RGS9: variants seen among roughly 807,000 people sequenced by gnomAD.
RGS9 encodes the protein regulator of G-protein signalling 9.
A neutral mutation model predicts 102.0 loss-of-function variants in RGS9; 78 were observed. That is an observed-to-expected ratio of 0.76 (90% confidence interval 0.64 to 0.92). The LOEUF is 0.92. Ranked by LOEUF, RGS9 falls within the 40% of genes least tolerant of loss-of-function variation. The probability of loss-of-function intolerance (pLI) is 0.00; values close to 1 mark genes in which losing one functional copy is unlikely to be tolerated. For synonymous variants in RGS9, 353 were observed against 318.6 expected (o/e 1.11, Z -1.15); for missense variants, 833 against 866.1 (o/e 0.96, Z 0.48).
intron 1 of RGS9, among the ~76,000 whole-genome samples, chr17:65,140,041 G>T (rs181242267): frequency 2.6e-4 from 40 of 152,312 alleles, no homozygotes; most frequent in African/African-American, 9.1e-4. Flanking sequence ...GTGGAGGGGT[G>T]GGCATTATGT....
At chr17:65,189,768 G>A (rs1912287997) in intron 10 of RGS9, among the ~76,000 whole-genome samples, 1 of 152,208 alleles carries the variant, frequency 6.6e-6, no homozygotes, top group Non-Finnish European at 1.5e-5. Flanking sequence ...CGTGGAGGAA[G>A]GTGGTTGAGG....
At chr17:65,175,096 TGTGTGTGTCAGGACATGTGTGTATGTGA>T (rs1334083009) in intron 8 of RGS9, among the ~76,000 whole-genome samples, 1 of 151,754 alleles carries the variant, frequency 6.6e-6, no homozygotes, top group Non-Finnish European at 1.5e-5. Flanking sequence ...TGTGTGTGTG[TGTGTGTGTCAGGACATGTGTGTATGTGA>T]GTGTGTGTGA....
At chr17:65,169,484 T>G (rs1911324186) in intron 8 of RGS9, among the ~76,000 whole-genome samples, 1 of 152,192 alleles carries the variant, frequency 6.6e-6, no homozygotes, top group Non-Finnish European at 1.5e-5. Context: ...ATTGCTCGTG[T>G]GTTCCAGAAG....
chr17:65,213,015 G>A (rs1338213178), intron 17 of RGS9, among the ~76,000 whole-genome samples: 1 of 152,210 alleles, frequency 6.6e-6, no homozygotes, highest in Non-Finnish European at 1.5e-5. Flanking sequence ...TTTGGAGAAA[G>A]CCTCCTGGTT....
chr17:65,137,467 G>A lies in RGS9; in HGVS notation c.-74G>A, dbSNP rs1343422354. 4.7e-6 allele frequency: 7 copies of A among 1,495,928 alleles called. No homozygotes were observed. The highest frequency in any genetic ancestry group is 6.5e-6 in the Non-Finnish European group (7 of 1,082,186). 92.7% of individuals were successfully genotyped at this position (1,495,928 alleles called of 1,614,324 possible). On this transcript the variant is annotated 5_prime_UTR_variant, in exon 1 of 19. Transcript: ENST00000262406. ...GCCCAGGGCTGGGGCGAGCCAGGCT[G>A]CCTTTCGAACTTGGGGGGCTTCTCC...
rs189891558 is a variant in RGS9 at position 65,159,633 on chromosome 17, T to G, written c.206-600T>G. ...GAAGGATATCTGCTTTCATTGATGC[T>G]TTGGAGAAAGAACCAAGGAAGTTTG... On this transcript the variant is annotated intron_variant, in intron 3 of 18. Transcript: ENST00000262406. Among the ~76,000 whole-genome samples, 584 of 152,228 alleles carry G rather than the reference T, an allele frequency of 3.8e-3. 2 individuals are homozygous for G. The highest frequency in any genetic ancestry group is 6.3e-3 in the Non-Finnish European group (431 of 68,030).
At chr17:65,201,130 CACTT>C (rs1198832251) in intron 13 of RGS9, among the ~76,000 whole-genome samples, 6 of 150,986 alleles carry the variant, frequency 4.0e-5, no homozygotes, top group African/African-American at 1.5e-4. Flanking sequence ...GACACACACA[CACTT>C]GCTCTCTCTT....
At chr17:65,177,699 G>A in intron 8 of RGS9, 33 bp from the exon 9 acceptor site, 2 of 1,601,836 alleles carry the variant, frequency 1.2e-6, no homozygotes, top group Non-Finnish European at 1.7e-6. Flanking sequence ...GACTCTCCCT[G>A]TAATGACCTT....
At chr17:65,159,573 C>T (rs114450988) in intron 3 of RGS9, among the ~76,000 whole-genome samples, 1 of 151,972 alleles carries the variant, frequency 6.6e-6, no homozygotes, top group Non-Finnish European at 1.5e-5. Flanking sequence ...GGGGGTCCTG[C>T]AGGAATGGAG....
chr17:65,156,653 A>C (rs531105271), intron 2 of RGS9, among the ~76,000 whole-genome samples: 2 of 152,258 alleles, frequency 1.3e-5, no homozygotes, highest in African/African-American at 4.8e-5. Context: ...TGGTGGCACC[A>C]TAATCTCATT....
At chr17:65,215,489 G>GTTCTTTCT (rs1453846214) in intron 17 of RGS9, among the ~76,000 whole-genome samples, 4,498 of 115,426 alleles carry the variant, frequency 0.039, 133 homozygotes, top group African/African-American at 0.067. Context: ...TCTTTCTTTC[G>GTTCTTTCT]TTCTTTCGTT....
At chr17:65,203,756 G>T (rs1443720878) in intron 14 of RGS9, among the ~76,000 whole-genome samples, 1 of 152,112 alleles carries the variant, frequency 6.6e-6, no homozygotes, top group East Asian at 1.9e-4. Flanking sequence ...TGTGGGTTGG[G>T]AGGAGAGCAG....
intron 9 of RGS9, among the ~76,000 whole-genome samples, chr17:65,178,314 T>G (rs1911724378): frequency 6.6e-6 from 1 of 152,126 alleles, no homozygotes; most frequent in Admixed American, 6.5e-5. Flanking sequence ...GTAAAGATTC[T>G]CCAAGCAGGT....
Position 65,193,587 on chromosome 17 carries a change from T to G in RGS9, c.791T>G (p.Met264Arg). 2 of 1,614,114 alleles carry G rather than the reference T, an allele frequency of 1.2e-6. No homozygotes were observed. Among genetic ancestry groups the G allele is most frequent in the Admixed American group, 1.7e-5 (1 of 60,024 alleles). The change falls in exon 12 of 19, where the codon ATG becomes AGG. Residue 264 changes from methionine to arginine, a missense_variant. This residue lies in a region of RGS9 where 328 missense variants were observed against 340.6 expected (regional missense o/e 0.96). Coordinates refer to ENST00000262406, the MANE Select transcript of RGS9 (RefSeq NM_003835.4). ...SEQFSSNDAI[M>R]SGCLPSNPWI... ...CAGTTCTCATCCAACGATGCCATCA[T>G]GTCAGGCTGCCTCCCCAGCAACCCC...
intron 17 of RGS9, among the ~76,000 whole-genome samples, chr17:65,211,589 G>A (rs1054401958): frequency 7.5e-6 from 1 of 132,578 alleles, no homozygotes; most frequent in Non-Finnish European, 1.7e-5. Flanking sequence ...GGTCAGGACT[G>A]GGGGAGAGGA....
chr17:65,161,046 A>G, intron 6 of RGS9, 137 bp downstream of exon 6: 1 of 738,366 alleles, frequency 1.4e-6, no homozygotes, highest in Non-Finnish European at 2.4e-6. Context: ...CCAGCTAGCC[A>G]TCCATTTATT....
chr17:65,215,056 G>A (rs1177749781), intron 17 of RGS9, among the ~76,000 whole-genome samples: 1 of 152,176 alleles, frequency 6.6e-6, no homozygotes, highest in Non-Finnish European at 1.5e-5. Context: ...GTGTCTCAGG[G>A]CTAGACACAG....
intron 6 of RGS9, among the ~76,000 whole-genome samples, chr17:65,162,749 G>A (rs944349256): frequency 3.3e-5 from 5 of 151,832 alleles, no homozygotes; most frequent in Non-Finnish European, 7.4e-5. Context: ...GATTACAGGT[G>A]TGAGCCACCA....
chr17:65,197,195 CA>C lies in RGS9; in HGVS notation c.933del (p.Gly312ValfsTer27). 1 of 1,613,874 alleles carries C rather than the reference CA, an allele frequency of 6.2e-7. No homozygotes were observed. The highest frequency in any genetic ancestry group is 2.2e-5 in the East Asian group (1 of 44,870). Reference sequence around the variant, plus strand: ...ACTTCAGCGAATTGATCCGAGACCCCAAAGGTCGACAGAGCTTCCAGTACTT... The same window carrying C: ...ACTTCAGCGAATTGATCCGAGACCCCAAGGTCGACAGAGCTTCCAGTACTT... ...FNFSELIRDP[K>X]GRQSFQYFLK... On this transcript the variant is annotated frameshift_variant, in exon 13 of 19. Transcript: ENST00000262406. LOFTEE classifies it high-confidence loss of function.
Sources: gnomAD v4.1 joint callset for allele counts (sites outside exome capture counted in the v4.1 genomes callset) on GRCh38, gnomAD v4.1.1 for gene constraint, gnomAD v4.1.1 regional missense constraint, MANE v1.5 for transcripts, NCBI Gene and HGNC (gene_info 2026-07-23, HGNC 2026-07-21) for gene names.